Variants in DRC11 observed in about 807,000 individuals in gnomAD.
The protein encoded by DRC11 is IQ and AAA domain-containing protein 1.
the DRC11 span, among the ~76,000 whole-genome samples, chr2:236,386,677 A>C: frequency 6.7e-6 from 1 of 149,912 alleles, no homozygotes; most frequent in Non-Finnish European, 1.5e-5. Context: ...TTCTGCTCTG[A>C]TTTTAGTTAT....
the DRC11 span, among the ~76,000 whole-genome samples, chr2:236,419,883 TC>T: frequency 2.0e-5 from 3 of 152,210 alleles, no homozygotes; most frequent in Non-Finnish European, 2.9e-5. The surrounding 1 kb of genome is among the most constrained non-coding windows in gnomAD (Gnocchi z 4.8). Context: ...ATAATTCAGT[TC>T]AATACAACAG....
At chr2:236,364,612 A>G in the DRC11 span, among the ~76,000 whole-genome samples, 1 of 152,070 alleles carries the variant, frequency 6.6e-6, no homozygotes, top group Admixed American at 6.6e-5. Flanking sequence ...TCTCCACCAC[A>G]CTGTCAATTT....
At chr2:236,344,512 T>C in the DRC11 span, 3 of 1,401,796 alleles carry the variant, frequency 2.1e-6, no homozygotes, top group Admixed American at 5.3e-5. Flanking sequence ...AGGGCCTCCT[T>C]TGGAGGAAAG....
the DRC11 span, among the ~76,000 whole-genome samples, chr2:236,491,209 T>C: frequency 2.0e-4 from 9 of 46,076 alleles, 1 homozygote; most frequent in Admixed American, 5.6e-4. Flanking sequence ...TATATATATA[T>C]ATACACACAG....
chr2:236,435,003 G>A, the DRC11 span, among the ~76,000 whole-genome samples: 1 of 152,216 alleles, frequency 6.6e-6, no homozygotes, highest in African/African-American at 2.4e-5. Context: ...GGAATTCAGT[G>A]AAGGAGGGAG....
chr2:236,452,425 C>G, the DRC11 span, among the ~76,000 whole-genome samples: 3 of 152,156 alleles, frequency 2.0e-5, no homozygotes, highest in Non-Finnish European at 4.4e-5. This position sits in a 1 kb window ranked among gnomAD's most constrained non-coding sequence, Gnocchi z 4.7. Flanking sequence ...GCCGGTCCCC[C>G]CCAAGTCATC....
chr2:236,450,151 G>C, the DRC11 span, among the ~76,000 whole-genome samples: 1 of 151,990 alleles, frequency 6.6e-6, no homozygotes, highest in Non-Finnish European at 1.5e-5. Flanking sequence ...ATCATGTTTG[G>C]CTTTATGTCT....
At chr2:236,398,611 C>G in the DRC11 span, among the ~76,000 whole-genome samples, 1 of 152,160 alleles carries the variant, frequency 6.6e-6, no homozygotes, top group Admixed American at 6.5e-5. The surrounding 1 kb of genome is among the most constrained non-coding windows in gnomAD (Gnocchi z 6.2). Flanking sequence ...TTGGATTTAT[C>G]TTGAGGGCAC....
At chr2:236,362,038 T>C in the DRC11 span, among the ~76,000 whole-genome samples, 2 of 152,204 alleles carry the variant, frequency 1.3e-5, no homozygotes, top group Middle Eastern at 3.4e-3. This position sits in a 1 kb window ranked among gnomAD's most constrained non-coding sequence, Gnocchi z 5.7. Flanking sequence ...AATGATAAAA[T>C]AATCAACCAG....
chr2:236,475,385 G>A, the DRC11 span, among the ~76,000 whole-genome samples: 1 of 152,042 alleles, frequency 6.6e-6, no homozygotes, highest in Non-Finnish European at 1.5e-5. The surrounding 1 kb of genome is among the most constrained non-coding windows in gnomAD (Gnocchi z 4.8). Context: ...TCTGTTAATA[G>A]GCACTTAGGG....
the DRC11 span, among the ~76,000 whole-genome samples, chr2:236,491,162 TATATATATATATATATATAC>T: frequency 1.8e-5 from 1 of 54,208 alleles, no homozygotes; most frequent in Non-Finnish European, 3.4e-5. Context: ...ACACACAGTA[TATATATATATATATATATAC>T]ACACAGTATA....
the DRC11 span, among the ~76,000 whole-genome samples, chr2:236,372,747 C>G: frequency 6.6e-6 from 1 of 152,058 alleles, no homozygotes. The surrounding 1 kb of genome is among the most constrained non-coding windows in gnomAD (Gnocchi z 4.5). Context: ...GTAGCTGGGA[C>G]TACAGGTGTG....
the DRC11 span, among the ~76,000 whole-genome samples, chr2:236,371,476 CCT>C: frequency 6.6e-6 from 1 of 152,192 alleles, no homozygotes; most frequent in Non-Finnish European, 1.5e-5. The surrounding 1 kb of genome is among the most constrained non-coding windows in gnomAD (Gnocchi z 5.1). Context: ...TCCCAAGCCC[CCT>C]GAGTTTATGT....
the DRC11 span, among the ~76,000 whole-genome samples, chr2:236,407,242 T>C: frequency 6.6e-6 from 1 of 152,248 alleles, no homozygotes; most frequent in African/African-American, 2.4e-5. Flanking sequence ...GTGTCCTAAA[T>C]ACATTTGTCA....
chr2:236,401,162 C>A, the DRC11 span, among the ~76,000 whole-genome samples: 1 of 152,140 alleles, frequency 6.6e-6, no homozygotes, highest in South Asian at 2.1e-4. This position sits in a 1 kb window ranked among gnomAD's most constrained non-coding sequence, Gnocchi z 4.6. Context: ...TCAGGAGTGC[C>A]CCCGCCCACC....
the DRC11 span, among the ~76,000 whole-genome samples, chr2:236,409,734 T>A: frequency 6.6e-6 from 1 of 151,938 alleles, no homozygotes; most frequent in Non-Finnish European, 1.5e-5. Context: ...AGTATGATAT[T>A]GGCTGTGGGT....
At chr2:236,491,205 TATATATACAC>T in the DRC11 span, among the ~76,000 whole-genome samples, 3 of 59,330 alleles carry the variant, frequency 5.1e-5, no homozygotes, top group Non-Finnish European at 1.0e-4. Flanking sequence ...TATATATATA[TATATATACAC>T]ACAGTATATA....
the DRC11 span, among the ~76,000 whole-genome samples, chr2:236,382,249 T>C: frequency 1.3e-5 from 2 of 152,212 alleles, no homozygotes; most frequent in Non-Finnish European, 2.9e-5. Flanking sequence ...AAAAGTCAGG[T>C]AGGCATGTTT....
At chr2:236,487,305 C>T in the DRC11 span, among the ~76,000 whole-genome samples, 1 of 152,252 alleles carries the variant, frequency 6.6e-6, no homozygotes, top group African/African-American at 2.4e-5. Context: ...TTTATATTCC[C>T]ACAGAAACCC....
Sources: gnomAD v4.1 joint callset for allele counts (sites outside exome capture counted in the v4.1 genomes callset) on GRCh38, gnomAD v4.1.1 for gene constraint, Gnocchi (gnomAD v3.1) non-coding constraint, MANE v1.5 for transcripts, NCBI Gene and HGNC (gene_info 2026-07-23, HGNC 2026-07-21) for gene names.